The following IQCM variants were observed in gnomAD, a reference collection of about 807,000 sequenced individuals.
IQCM encodes IQ domain-containing protein M.
In IQCM, 45 loss-of-function variants were observed where a neutral mutation model predicts 57.6. The observed-to-expected ratio is 0.78, with a 90% CI of 0.62 to 1.00. The LOEUF is 1.00. Among genes scored for constraint, IQCM ranks in the 50% least tolerant of loss-of-function variants. The pLI is 0.00. For missense variants in IQCM, 468 were observed against 511.6 expected, an observed-to-expected ratio of 0.91 and a Z score of 0.82; for synonymous variants, 148 against 158.9, an observed-to-expected ratio of 0.93 and a Z score of 0.51.
intron 9 of IQCM, among the ~76,000 whole-genome samples, chr4:149,582,364 A>G (rs927064622): frequency 1.7e-5 from 1 of 59,638 alleles, no homozygotes; most frequent in Non-Finnish European, 3.6e-5. Context: ...ATATATATAT[A>G]TATATTTAGT....
At chr4:149,779,630 G>A (rs895198161) in intron 2 of IQCM, among the ~76,000 whole-genome samples, 1 of 152,088 alleles carries the variant, frequency 6.6e-6, no homozygotes, top group Non-Finnish European at 1.5e-5. Flanking sequence ...GTAAGAATAG[G>A]TTTGGAGAGT....
At chr4:149,366,311 A>C (rs963525399) in intron 13 of IQCM, among the ~76,000 whole-genome samples, 2 of 152,064 alleles carry the variant, frequency 1.3e-5, no homozygotes, top group African/African-American at 4.8e-5. Context: ...AATTTTAGAA[A>C]CATAATGGCA....
At chr4:149,529,808 A>G (rs970860025) in intron 12 of IQCM, among the ~76,000 whole-genome samples, 2 of 152,144 alleles carry the variant, frequency 1.3e-5, no homozygotes, top group African/African-American at 4.8e-5. Flanking sequence ...TGGGCCCCAC[A>G]GCCCATTCAC....
intron 7 of IQCM, among the ~76,000 whole-genome samples, chr4:149,661,005 A>G: frequency 6.6e-6 from 1 of 152,216 alleles, no homozygotes. Context: ...AAACAAAAAT[A>G]AAAAACTAAA....
chr4:149,528,495 T>A (rs1456047765), intron 12 of IQCM, among the ~76,000 whole-genome samples: 1 of 152,172 alleles, frequency 6.6e-6, no homozygotes, highest in African/African-American at 2.4e-5. Context: ...CTACATAACA[T>A]AGGTAATCTC....
chr4:149,554,105 A>G (rs1749305678), intron 10 of IQCM, among the ~76,000 whole-genome samples: 1 of 151,520 alleles, frequency 6.6e-6, no homozygotes, highest in South Asian at 2.1e-4. Context: ...TTAAATTTTC[A>G]TTATTTCTTG....
intron 13 of IQCM, among the ~76,000 whole-genome samples, chr4:149,407,295 A>G (rs1471805519): frequency 1.3e-5 from 2 of 152,182 alleles, no homozygotes; most frequent in Non-Finnish European, 2.9e-5. Flanking sequence ...CTGCATTCAT[A>G]AATTGTAACA....
chr4:149,616,784 A>C (rs182005479), intron 8 of IQCM, among the ~76,000 whole-genome samples: 59 of 152,074 alleles, frequency 3.9e-4, no homozygotes, highest in Middle Eastern at 3.4e-3. Context: ...TAGCTAATGC[A>C]TTTGGGGCTT....
At chr4:149,462,601 C>T (rs966941314) in intron 12 of IQCM, among the ~76,000 whole-genome samples, 1 of 152,128 alleles carries the variant, frequency 6.6e-6, no homozygotes, top group African/African-American at 2.4e-5. Context: ...TGTTTGAATT[C>T]CTGTCTTTTC....
chr4:149,778,202 C>T (rs1771277036), intron 2 of IQCM, among the ~76,000 whole-genome samples: 1 of 152,106 alleles, frequency 6.6e-6, no homozygotes, highest in Admixed American at 6.5e-5. Flanking sequence ...CGGTGAAACC[C>T]CATCTCTACT....
At chr4:149,383,570 A>T (rs960439373) in intron 13 of IQCM, among the ~76,000 whole-genome samples, 1 of 152,156 alleles carries the variant, frequency 6.6e-6, no homozygotes, top group Non-Finnish European at 1.5e-5. Flanking sequence ...CTAATATTAC[A>T]TTTGAAAGAC....
chr4:149,653,682 G>A (rs1257012359), intron 7 of IQCM, among the ~76,000 whole-genome samples: 3 of 152,044 alleles, frequency 2.0e-5, no homozygotes, highest in African/African-American at 7.2e-5. Context: ...CGGATATCAA[G>A]CTGACACATT....
chr4:149,586,741 A>T (rs1473751570), intron 9 of IQCM, among the ~76,000 whole-genome samples: 1 of 151,652 alleles, frequency 6.6e-6, no homozygotes, highest in Non-Finnish European at 1.5e-5. Context: ...CTATATGTAG[A>T]ATTTTCATTT....
chr4:149,677,871 T>G (rs1423966156), intron 7 of IQCM, among the ~76,000 whole-genome samples: 1 of 151,672 alleles, frequency 6.6e-6, no homozygotes, highest in East Asian at 1.9e-4. Flanking sequence ...ATCTAGAAAC[T>G]GATAAATATA....
At chr4:149,566,924 C>G (rs1750689273) in intron 9 of IQCM, among the ~76,000 whole-genome samples, 1 of 152,054 alleles carries the variant, frequency 6.6e-6, no homozygotes. Context: ...TTTTGATGAG[C>G]TTAATCATAA....
intron 5 of IQCM, among the ~76,000 whole-genome samples, chr4:149,726,636 A>G (rs1374299677): frequency 2.0e-5 from 3 of 152,076 alleles, no homozygotes; most frequent in Non-Finnish European, 2.9e-5. Context: ...GTGTTGTCCA[A>G]TATGATAGCC....
intron 12 of IQCM, among the ~76,000 whole-genome samples, chr4:149,518,881 G>T (rs954008191): frequency 6.6e-6 from 1 of 152,156 alleles, no homozygotes; most frequent in Non-Finnish European, 1.5e-5. Flanking sequence ...AGCAACAAGG[G>T]AGGCACTCTT....
At chr4:149,566,253 C>A (rs528833339) in intron 9 of IQCM, among the ~76,000 whole-genome samples, 1 of 152,246 alleles carries the variant, frequency 6.6e-6, no homozygotes, top group East Asian at 1.9e-4. Context: ...ATCTTTTTCT[C>A]ATTTCTCTCA....
At chr4:149,399,317 A>T (rs536317945) in intron 13 of IQCM, among the ~76,000 whole-genome samples, 38 of 152,138 alleles carry the variant, frequency 2.5e-4, no homozygotes, top group Non-Finnish European at 4.9e-4. Flanking sequence ...ATTAACATCC[A>T]TGAGAACTAC....
Sources: allele counts gnomAD v4.1 joint callset (sites outside exome capture counted in the v4.1 genomes callset), GRCh38; gene constraint gnomAD v4.1.1; transcripts MANE v1.5; gene names NCBI Gene and HGNC (gene_info 2026-07-23, HGNC 2026-07-21).